The following SPATA1 variants were observed in gnomAD, a reference collection of about 807,000 sequenced individuals.
The protein encoded by SPATA1 is spermatogenesis associated 1.
SPATA1 carries 57 observed loss-of-function variants against 59.6 expected under a neutral mutation model. That is an observed-to-expected ratio of 0.96 (90% confidence interval 0.77 to 1.19). The LOEUF (loss-of-function observed/expected upper bound fraction) is 1.19. Among genes scored for constraint, SPATA1 ranks in the 50% most tolerant of loss-of-function variants. SPATA1 has a pLI of 0.00. For missense variants in SPATA1, 448 were observed against 480.7 expected (o/e 0.93, Z 0.64); for synonymous variants, 147 against 163.9 (o/e 0.90, Z 0.79).
chr1:84,553,231 TTC>T, exon 13 of SPATA1: 2 of 639,100 alleles, frequency 3.1e-6, no homozygotes, highest in Non-Finnish European at 5.2e-6. Flanking sequence ...AGCACAAGGT[TTC>T]TCTTTCTCCA....
chr1:84,507,488 A>C (rs1224146635), intron 1 of SPATA1, among the ~76,000 whole-genome samples: 3 of 152,234 alleles, frequency 2.0e-5, no homozygotes, highest in Non-Finnish European at 4.4e-5. Context: ...CCTTATTTCA[A>C]AGTAAATTAT....
chr1:84,518,856 C>T (rs1570396467), intron 2 of SPATA1, among the ~76,000 whole-genome samples: 1 of 152,016 alleles, frequency 6.6e-6, no homozygotes. Context: ...CATATCTTCC[C>T]ATTCTTCTTT....
Position 84,520,677 on chromosome 1 carries a change from AGCTG to A in SPATA1, c.131_134del (p.Ala44AspfsTer3). ...CAGAAGTTGTTAACAAATTCATTTCAGCTGGATTTCTAAGGCAAGTGTTGTGTAG... is the reference window on the plus strand; with the variant it reads ...CAGAAGTTGTTAACAAATTCATTTCAGATTTCTAAGGCAAGTGTTGTGTAG... On this transcript the variant is annotated frameshift_variant, in exon 3 of 13. Transcript: ENST00000490879. LOFTEE classifies it high-confidence loss of function. The A allele has an allele frequency of 6.4e-7, 1 of 1,562,156 alleles. No homozygotes were observed. Among genetic ancestry groups the A allele is most frequent in the Non-Finnish European group, 8.7e-7 (1 of 1,153,890 alleles).
chr1:84,541,343 A>G (rs1017296880), intron 8 of SPATA1, among the ~76,000 whole-genome samples: 1 of 152,174 alleles, frequency 6.6e-6, no homozygotes, highest in Non-Finnish European at 1.5e-5. Flanking sequence ...AGGGGCAACA[A>G]TTAGTCTTAT....
chr1:84,532,878 C>A (rs1424396571), exon 7 of SPATA1: 2 of 1,551,246 alleles, frequency 1.3e-6, no homozygotes, highest in African/African-American at 2.7e-5. Context: ...AAAGCCACTG[C>A]AGAAAAAAGC....
chr1:84,535,730 T>C (rs1481968507), intron 8 of SPATA1, among the ~76,000 whole-genome samples: 1 of 152,166 alleles, frequency 6.6e-6, no homozygotes, highest in East Asian at 1.9e-4. Flanking sequence ...TTTTGTAGAT[T>C]CTTTAGGACT....
At chr1:84,522,287 A>G (rs1488770724) in intron 3 of SPATA1, 103 bp from the exon 4 acceptor site, 1 of 584,106 alleles carries the variant, frequency 1.7e-6, no homozygotes, top group African/African-American at 2.0e-5. Flanking sequence ...TGACACATTA[A>G]ATCAACCTTT....
intron 6 of SPATA1, chr1:84,527,663 C>G (rs1443764160): frequency 6.6e-6 from 1 of 152,046 alleles, no homozygotes; most frequent in East Asian, 1.9e-4. Flanking sequence ...ATAGAATTCC[C>G]TGTGTCATAA....
downstream of SPATA1, chr1:84,555,936 G>T (rs1451424501): frequency 6.6e-6 from 1 of 152,218 alleles, no homozygotes; most frequent in Non-Finnish European, 1.5e-5. Flanking sequence ...TGGCTAGGAG[G>T]TCTACAGAAG....
At chr1:84,560,635 A>G (rs1299759611) in intron 4 of SPATA1, among the ~76,000 whole-genome samples, 1 of 152,234 alleles carries the variant, frequency 6.6e-6, no homozygotes, top group Non-Finnish European at 1.5e-5. Flanking sequence ...TTTGCTAGCT[A>G]GACAGGAGAA....
At chr1:84,535,822 T>A (rs1429831938) in intron 8 of SPATA1, among the ~76,000 whole-genome samples, 1 of 152,208 alleles carries the variant, frequency 6.6e-6, no homozygotes, top group Non-Finnish European at 1.5e-5. Context: ...TAAGTGTTTT[T>A]TCCTCCAGCT....
Position 84,518,155 on chromosome 1 carries a change from C to T in SPATA1, c.36+1760C>T, listed in dbSNP as rs150962783. On this transcript the variant is annotated intron_variant, in intron 2 of 12. Coordinates refer to ENST00000490879, the Ensembl canonical transcript of SPATA1. Reference sequence around the variant, plus strand: ...CCCAATATCTTTTAAAAAGTCAATGCCATGTTAAAAATAAAAAGCAAAAAA... The same window carrying T: ...CCCAATATCTTTTAAAAAGTCAATGTCATGTTAAAAATAAAAAGCAAAAAA... 6.6e-5 allele frequency among the ~76,000 whole-genome samples: 10 copies of T among 152,040 alleles called. No individual in the cohort carries two copies. The East Asian group carries it at 1.9e-3, about 29-fold the overall frequency.
At chr1:84,552,066 G>GA (rs1278126432) in intron 12 of SPATA1, 2 of 152,018 alleles carry the variant, frequency 1.3e-5, no homozygotes, top group East Asian at 1.9e-4. Flanking sequence ...AGGCTGGGGG[G>GA]AAAAAATCCT....
intron 6 of SPATA1, among the ~76,000 whole-genome samples, chr1:84,529,575 C>CATTT: frequency 8.6e-6 from 1 of 116,766 alleles, no homozygotes; most frequent in Admixed American, 8.6e-5. Context: ...AGGTAATATG[C>CATTT]CTTTTTTTTT....
intron 9 of SPATA1, among the ~76,000 whole-genome samples, chr1:84,545,045 C>T (rs1684039552): frequency 6.7e-6 from 1 of 150,014 alleles, no homozygotes; most frequent in Non-Finnish European, 1.5e-5. Flanking sequence ...CCCATCTCTA[C>T]TAAAAATACA....
exon 4 of SPATA1, chr1:84,522,479 T>C: frequency 6.5e-7 from 1 of 1,543,684 alleles, no homozygotes; most frequent in Non-Finnish European, 8.8e-7. Flanking sequence ...TTTTTATTTC[T>C]GAAATGCATT....
chr1:84,566,087 A>G (rs960690777), exon 5 of SPATA1: 88 of 917,684 alleles, frequency 9.6e-5, no homozygotes, highest in Non-Finnish European at 1.2e-4. Flanking sequence ...AAAATTATAT[A>G]TATTTTTTAC....
At chr1:84,558,552 A>G (rs1000130325), downstream of SPATA1, among the ~76,000 whole-genome samples, 4 of 150,502 alleles carry the variant, frequency 2.7e-5, no homozygotes, top group African/African-American at 9.8e-5. Flanking sequence ...CAGCCTCCCA[A>G]AGTGCTGGGA....
At chr1:84,522,533 G>A in intron 4 of SPATA1, 26 bp downstream of exon 4, 1 of 1,237,282 alleles carries the variant, frequency 8.1e-7, no homozygotes. Context: ...TTTTCTTTCT[G>A]ATTGAGAAAG....
Sources: gnomAD v4.1 joint callset for allele counts (sites outside exome capture counted in the v4.1 genomes callset) on GRCh38, gnomAD v4.1.1 for gene constraint, MANE v1.5 for transcripts, NCBI Gene and HGNC (gene_info 2026-07-23, HGNC 2026-07-21) for gene names.